KLF15: variants seen among roughly 807,000 people sequenced by gnomAD.
KLF15 encodes the protein KLF transcription factor 15.
Under a neutral mutation model 24.6 loss-of-function variants are expected in KLF15, and 4 were observed. The ratio of observed to expected loss-of-function variants is 0.16; its 90% CI spans 0.08 to 0.37. The LOEUF is 0.37. KLF15 is among the 10% of genes least tolerant of loss of function. KLF15 has a pLI of 1.00. For synonymous variants in KLF15, 246 were observed against 236.3 expected (o/e 1.04, Z -0.37); for missense variants, 496 against 560.6 (o/e 0.88, Z 1.16).
At chr3:126,308,289 G>A in the KLF15 span, among the ~76,000 whole-genome samples, 1 of 152,216 alleles carries the variant, frequency 6.6e-6, no homozygotes, top group Non-Finnish European at 1.5e-5. Context: ...GAGCTGGAAA[G>A]CTGGCGGCCT....
At chr3:126,331,027 G>C in the KLF15 span, among the ~76,000 whole-genome samples, 1 of 152,334 alleles carries the variant, frequency 6.6e-6, no homozygotes, top group East Asian at 1.9e-4. Context: ...AATGGGGCTT[G>C]AGGATGCAAT....
chr3:126,313,590 GAAT>G, the KLF15 span, among the ~76,000 whole-genome samples: 2 of 152,166 alleles, frequency 1.3e-5, no homozygotes. Context: ...CAATGTCTGG[GAAT>G]ACTGACTTGC....
At chr3:126,323,052 G>T in the KLF15 span, among the ~76,000 whole-genome samples, 11 of 146,376 alleles carry the variant, frequency 7.5e-5, no homozygotes, top group Admixed American at 1.4e-4. Context: ...ATTTTTATTT[G>T]CTGTGATTAT....
chr3:126,327,668 C>A, the KLF15 span, among the ~76,000 whole-genome samples: 1 of 152,176 alleles, frequency 6.6e-6, no homozygotes, highest in Non-Finnish European at 1.5e-5. Context: ...CACCTGCATT[C>A]CAGACTTCAT....
In KLF15 at chr3:126,343,096, C is replaced by G. The variant is rs1487150128; in HGVS notation, c.*631G>C. ...CTCAAGCACATGCACTGCCAGCCCC[C>G]TAGTGGGGGACGCTTTTCACCTCTC... On this transcript the variant is annotated 3_prime_UTR_variant, in exon 3 of 3. Transcript: ENST00000296233. The G allele has an allele frequency of 1.4e-5, 2 of 144,686 alleles. No homozygotes were observed. The highest frequency in any genetic ancestry group is 4.3e-4 in the East Asian group (2 of 4,690). The allele number at this position is 144,686 out of a possible 1,614,324, so 9.0% of individuals were successfully genotyped here. A position where few individuals can be genotyped will look rare whatever the true frequency, so the allele number is the denominator to read the frequency against.
chr3:126,296,525 C>T, the KLF15 span, among the ~76,000 whole-genome samples: 1 of 152,352 alleles, frequency 6.6e-6, no homozygotes, highest in East Asian at 1.9e-4. Flanking sequence ...CATTCTTAAT[C>T]TGCCAAGTTA....
chr3:126,338,506 C>T (rs1306440886), downstream of KLF15, among the ~76,000 whole-genome samples: 1 of 152,214 alleles, frequency 6.6e-6, no homozygotes, highest in Non-Finnish European at 1.5e-5. Flanking sequence ...TTCTTCATTT[C>T]ATGCGTAATG....
chr3:126,332,049 C>T, the KLF15 span, among the ~76,000 whole-genome samples: 2 of 152,194 alleles, frequency 1.3e-5, no homozygotes, highest in East Asian at 1.9e-4. Flanking sequence ...CCAGGAAGCT[C>T]GAACTGGGTG....
At chr3:126,301,610 C>CTTTTTTTTTTTTTTTTTTTTTT in the KLF15 span, among the ~76,000 whole-genome samples, 7 of 132,280 alleles carry the variant, frequency 5.3e-5, no homozygotes, top group Non-Finnish European at 9.4e-5. Flanking sequence ...TTTTCTTTTT[C>CTTTTTTTTTTTTTTTTTTTTTT]TTTTTTTTTT....
At chr3:126,301,613 T>TC in the KLF15 span, among the ~76,000 whole-genome samples, 6 of 110,476 alleles carry the variant, frequency 5.4e-5, no homozygotes, top group African/African-American at 1.0e-4. Context: ...TCTTTTTCTT[T>TC]TTTTTTTTTT....
the KLF15 span, among the ~76,000 whole-genome samples, chr3:126,300,230 A>G: frequency 6.6e-6 from 1 of 152,152 alleles, no homozygotes; most frequent in Non-Finnish European, 1.5e-5. Context: ...TGTGGTGGGC[A>G]GGAACGAGGC....
Position 126,352,682 on chromosome 3 carries a change from A to G in KLF15, c.241T>C (p.Leu81=), listed in dbSNP as rs748522822. 14 of 1,596,206 alleles carry G rather than the reference A, an allele frequency of 8.8e-6. No homozygotes were observed. The highest frequency in any genetic ancestry group is 3.5e-5 in the Admixed American group (2 of 57,572). ...CCACTGCCCAGCGTGGCCTGGGACAATAGGAAGTCCAAGATGCTGTCCTGG... is the reference window on the plus strand; with the variant it reads ...CCACTGCCCAGCGTGGCCTGGGACAGTAGGAAGTCCAAGATGCTGTCCTGG... ...ESQDSILDFL[L]SQATLGSGGG... Residue 81 remains leucine (L), a synonymous_variant, in exon 2 of 3, where the codon TTG becomes CTG. Coordinates refer to ENST00000296233, the MANE Select transcript of KLF15 (RefSeq NM_014079.4).
the KLF15 span, among the ~76,000 whole-genome samples, chr3:126,313,748 C>T: frequency 2.7e-3 from 410 of 152,312 alleles, no homozygotes; most frequent in African/African-American, 9.6e-3. Flanking sequence ...TACCAACTAC[C>T]CAAAACTTAG....
At chr3:126,305,401 G>T in the KLF15 span, among the ~76,000 whole-genome samples, 8 of 152,150 alleles carry the variant, frequency 5.3e-5, no homozygotes, top group Admixed American at 5.2e-4. Context: ...TCCTTAGCCT[G>T]TTGACATTTT....
At chr3:126,315,438 C>T in the KLF15 span, among the ~76,000 whole-genome samples, 6,375 of 152,304 alleles carry the variant, frequency 0.042, 204 homozygotes, top group South Asian at 0.15. Context: ...GTCCACCCCA[C>T]TGTGCCCCAG....
chr3:126,313,919 T>C, the KLF15 span, among the ~76,000 whole-genome samples: 1 of 152,196 alleles, frequency 6.6e-6, no homozygotes, highest in Non-Finnish European at 1.5e-5. Flanking sequence ...TGCAAACCCG[T>C]CTACCATCTG....
the KLF15 span, among the ~76,000 whole-genome samples, chr3:126,298,960 G>A: frequency 6.6e-5 from 10 of 151,962 alleles, no homozygotes; most frequent in African/African-American, 2.4e-4. Context: ...CTCTTTTTTG[G>A]TTCTATATAA....
At chr3:126,307,953 G>A in the KLF15 span, among the ~76,000 whole-genome samples, 1 of 152,106 alleles carries the variant, frequency 6.6e-6, no homozygotes, top group Non-Finnish European at 1.5e-5. Context: ...ATGGGGGTTT[G>A]GCTGTGCCCG....
Position 126,353,668 on chromosome 3 carries a change from T to C in KLF15, c.-25-721A>G, listed in dbSNP as rs138366761. Among the ~76,000 whole-genome samples, 977 of 152,378 alleles carry C rather than the reference T, an allele frequency of 6.4e-3. 13 individuals carry two copies. Among genetic ancestry groups the C allele is most frequent in the African/African-American group, 0.022 (933 of 41,594 alleles). On this transcript the variant is annotated intron_variant, in intron 1 of 2. Transcript: ENST00000296233. ...AAACAGTCAAAGACCAAAAAGTGCCTGCCTGCGCAGCTGTTTCCCCACCTA... is the reference window on the plus strand; with the variant it reads ...AAACAGTCAAAGACCAAAAAGTGCCCGCCTGCGCAGCTGTTTCCCCACCTA...
Sources: allele counts gnomAD v4.1 joint callset (sites outside exome capture counted in the v4.1 genomes callset), GRCh38; gene constraint gnomAD v4.1.1; transcripts MANE v1.5; gene names NCBI Gene and HGNC (gene_info 2026-07-23, HGNC 2026-07-21).